XKR6: variants seen among roughly 807,000 people sequenced by gnomAD.
XKR6 encodes XK-related protein 6.
Under a neutral mutation model 56.7 loss-of-function variants are expected in XKR6, and 22 were observed. The observed-to-expected ratio is 0.39, with a 90% CI of 0.28 to 0.55. The LOEUF is 0.55. Ranked by LOEUF, XKR6 falls within the 20% of genes least tolerant of loss-of-function variation. XKR6 has a pLI of 0.66. For missense variants in XKR6, 852 were observed against 889.0 expected (o/e 0.96, Z 0.53); for synonymous variants, 524 against 387.8 (o/e 1.35, Z -4.13).
Position 10,898,988 on chromosome 8 carries a change from C to T in XKR6, c.962-72G>A. ...CCGCAGGGCACAGTGAAGCTGCCGG[C>T]TGAGGAGACGCCCACATACACCACG... On this transcript the variant is annotated intron_variant, in intron 2 of 2. Coordinates refer to ENST00000416569, the MANE Select transcript of XKR6 (RefSeq NM_173683.4). The surrounding 1 kb of genome is among the most constrained non-coding windows in gnomAD (Gnocchi z 6.6). The T allele has an allele frequency of 1.3e-6, 2 of 1,513,842 alleles. No homozygotes were observed. The highest frequency in any genetic ancestry group is 1.8e-6 in the Non-Finnish European group (2 of 1,139,720). 93.8% of individuals were successfully genotyped at this position (1,513,842 alleles called of 1,614,324 possible). A position where few individuals can be genotyped will look rare whatever the true frequency, so the allele number is the denominator to read the frequency against.
intron 2 of XKR6, among the ~76,000 whole-genome samples, chr8:10,915,367 C>T (rs1031527214): frequency 3.3e-5 from 5 of 152,216 alleles, no homozygotes; most frequent in African/African-American, 1.2e-4. Context: ...AGCTACCTCG[C>T]TCACTTTCAC....
At chr8:10,942,306 G>A (rs1801407989) in intron 1 of XKR6, among the ~76,000 whole-genome samples, 1 of 152,186 alleles carries the variant, frequency 6.6e-6, no homozygotes, top group African/African-American at 2.4e-5. Context: ...ACACACGCAT[G>A]CAAACTACCA....
At chr8:10,953,981 T>A (rs1485106063) in intron 1 of XKR6, among the ~76,000 whole-genome samples, 2 of 152,376 alleles carry the variant, frequency 1.3e-5, no homozygotes, top group African/African-American at 4.8e-5. Context: ...CAGTGTAGCA[T>A]GCATCAGTAC....
rs1000106095 is a variant in XKR6 at position 11,121,082 on chromosome 8, C to A, written c.764+79494G>T. Reference sequence around the variant, plus strand: ...CATGTTAGACCTAAAACCATAAAAACCCTAGAAGAAAACCTAGGCAATACC... The same window carrying A: ...CATGTTAGACCTAAAACCATAAAAAACCTAGAAGAAAACCTAGGCAATACC... On this transcript the variant is annotated intron_variant, in intron 1 of 2. Transcript: ENST00000416569. Among the ~76,000 whole-genome samples, 13 of 152,226 alleles carry A rather than the reference C, an allele frequency of 8.5e-5. No individual in the cohort carries two copies. In the South Asian group the frequency reaches 2.3e-3, roughly 27 times the overall value.
intron 1 of XKR6, among the ~76,000 whole-genome samples, chr8:10,993,618 G>C (rs908375129): frequency 1.3e-5 from 2 of 152,212 alleles, no homozygotes; most frequent in Non-Finnish European, 2.9e-5. Flanking sequence ...TACTAAGCAG[G>C]GGAGAGGCTG....
chr8:11,007,490 A>C (rs1291132937), intron 1 of XKR6, among the ~76,000 whole-genome samples: 1 of 152,302 alleles, frequency 6.6e-6, no homozygotes, highest in East Asian at 1.9e-4. Context: ...GGCCTCTCGC[A>C]TGGACGAAGA....
chr8:11,196,101 C>T (rs1404014313), intron 1 of XKR6, among the ~76,000 whole-genome samples: 1 of 152,094 alleles, frequency 6.6e-6, no homozygotes, highest in African/African-American at 2.4e-5. Flanking sequence ...GGTACCCTGG[C>T]CCCACACAAA....
At chr8:11,162,817 A>G (rs993337444) in intron 1 of XKR6, among the ~76,000 whole-genome samples, 2 of 152,244 alleles carry the variant, frequency 1.3e-5, no homozygotes, top group African/African-American at 4.8e-5. Flanking sequence ...AAGTGTTTCA[A>G]TTTAAGCCAT....
intron 1 of XKR6, among the ~76,000 whole-genome samples, chr8:11,102,415 A>G (rs753851731): frequency 6.6e-6 from 1 of 152,178 alleles, no homozygotes; most frequent in African/African-American, 2.4e-5. Flanking sequence ...TTACTTAAAC[A>G]TTATGTCCAG....
At position 11,084,378 on chromosome 8, in the gene XKR6, G is replaced by A. The variant is rs1002601081; in HGVS notation, c.764+116198C>T. Among the ~76,000 whole-genome samples, 33 of 152,138 alleles carry A rather than the reference G, an allele frequency of 2.2e-4. 2 individuals carry two copies. The highest frequency in any genetic ancestry group is 3.1e-4 in the Non-Finnish European group (21 of 68,038). ...ATAGAAACTACTATATTGCTTTAAG[G>A]CTGAATCACTTAGCACTTCCCAGAA... On this transcript the variant is annotated intron_variant, in intron 1 of 2. Coordinates refer to ENST00000416569, the MANE Select transcript of XKR6 (RefSeq NM_173683.4).
At chr8:10,905,557 A>C (rs187710628) in intron 2 of XKR6, among the ~76,000 whole-genome samples, 2 of 152,258 alleles carry the variant, frequency 1.3e-5, no homozygotes, top group East Asian at 3.9e-4. Flanking sequence ...ATTGTACCCC[A>C]GTAGGCTGGG....
At chr8:11,178,196 T>C (rs947341751) in intron 1 of XKR6, among the ~76,000 whole-genome samples, 1 of 152,160 alleles carries the variant, frequency 6.6e-6, no homozygotes, top group African/African-American at 2.4e-5. Context: ...GCTGCAAATA[T>C]GCATTCCAGT....
intron 1 of XKR6, among the ~76,000 whole-genome samples, chr8:11,140,252 C>G (rs1800623804): frequency 6.6e-6 from 1 of 151,984 alleles, no homozygotes. Flanking sequence ...AGCAATGGAA[C>G]AGGACAAATA....
At chr8:10,939,816 A>C (rs969998970) in intron 1 of XKR6, among the ~76,000 whole-genome samples, 3 of 152,228 alleles carry the variant, frequency 2.0e-5, no homozygotes, top group African/African-American at 4.8e-5. Flanking sequence ...TCCCAAGGCC[A>C]GGGGCTGGGC....
chr8:11,185,188 G>A (rs1803206771), intron 1 of XKR6, among the ~76,000 whole-genome samples: 1 of 152,140 alleles, frequency 6.6e-6, no homozygotes, highest in Non-Finnish European at 1.5e-5. Context: ...TGAGCTCCTA[G>A]GATAGGCTCT....
intron 1 of XKR6, among the ~76,000 whole-genome samples, chr8:11,050,470 G>C (rs936229923): frequency 1.3e-5 from 2 of 151,622 alleles, no homozygotes; most frequent in Non-Finnish European, 1.5e-5. Flanking sequence ...AAAAAGACAA[G>C]TTTGTTGACA....
chr8:10,948,171 T>C (rs1384412750), intron 1 of XKR6, among the ~76,000 whole-genome samples: 1 of 152,156 alleles, frequency 6.6e-6, no homozygotes, highest in East Asian at 1.9e-4. Context: ...GTATCCCAGC[T>C]ACGGGTGAAG....
At chr8:11,031,448 G>C (rs1389611366) in intron 1 of XKR6, among the ~76,000 whole-genome samples, 2 of 152,224 alleles carry the variant, frequency 1.3e-5, no homozygotes, top group African/African-American at 4.8e-5. Context: ...GCAAAGACAA[G>C]TGTAGCCCAC....
chr8:11,073,600 A>C (rs920198547), intron 1 of XKR6, among the ~76,000 whole-genome samples: 1 of 152,248 alleles, frequency 6.6e-6, no homozygotes, highest in Non-Finnish European at 1.5e-5. Context: ...TAAACTGATG[A>C]AAATCAATCC....
Sources: allele counts gnomAD v4.1 joint callset (sites outside exome capture counted in the v4.1 genomes callset), GRCh38; gene constraint gnomAD v4.1.1; non-coding constraint Gnocchi (gnomAD v3.1); transcripts MANE v1.5; gene names NCBI Gene and HGNC (gene_info 2026-07-23, HGNC 2026-07-21).